The following CNTNAP2 variants were observed in gnomAD, a reference collection of about 807,000 sequenced individuals.
CNTNAP2 encodes contactin-associated protein-like 2.
In CNTNAP2, 98 loss-of-function variants were observed where a neutral mutation model predicts 155.2. The observed-to-expected ratio is 0.63, with a 90% CI of 0.54 to 0.75. The LOEUF (loss-of-function observed/expected upper bound fraction) is 0.75, where lower values mean the gene tolerates loss of function less well. CNTNAP2 is among the 30% of genes least tolerant of loss of function. The pLI is 0.00. For missense variants in CNTNAP2, 1,727 were observed against 1,688.1 expected, an observed-to-expected ratio of 1.02 and a Z score of -0.40; for synonymous variants, 651 against 631.2, an observed-to-expected ratio of 1.03 and a Z score of -0.47.
intron 13 of CNTNAP2, among the ~76,000 whole-genome samples, chr7:147,649,706 A>C (rs894714858): frequency 9.2e-5 from 14 of 152,166 alleles, no homozygotes; most frequent in Admixed American, 2.0e-4. Flanking sequence ...ATTTTAGTTT[A>C]TTATATTATA....
At chr7:148,287,017 G>A (rs141166439) in intron 21 of CNTNAP2, among the ~76,000 whole-genome samples, 45 of 152,284 alleles carry the variant, frequency 3.0e-4, no homozygotes, top group African/African-American at 1.1e-3. Context: ...CACCATTACA[G>A]TATCATAGAG....
At chr7:146,248,952 T>C (rs1799712148) in intron 1 of CNTNAP2, among the ~76,000 whole-genome samples, 1 of 151,958 alleles carries the variant, frequency 6.6e-6, no homozygotes, top group Admixed American at 6.6e-5. Flanking sequence ...TTTTACAGGA[T>C]TTGGGTAGGT....
At chr7:146,888,289 C>G (rs1477497511) in intron 3 of CNTNAP2, among the ~76,000 whole-genome samples, 6 of 151,968 alleles carry the variant, frequency 3.9e-5, no homozygotes, top group African/African-American at 1.4e-4. Flanking sequence ...GAAATTTTCT[C>G]AATTTTATAA....
intron 1 of CNTNAP2, among the ~76,000 whole-genome samples, chr7:146,391,688 G>A (rs530744673): frequency 7.2e-5 from 11 of 152,070 alleles, no homozygotes; most frequent in African/African-American, 1.9e-4. Context: ...TTCTGTTCCC[G>A]CATTAGTTTG....
At chr7:147,634,129 A>T (rs890320429) in intron 12 of CNTNAP2, among the ~76,000 whole-genome samples, 2 of 152,236 alleles carry the variant, frequency 1.3e-5, no homozygotes, top group African/African-American at 4.8e-5. Context: ...AAAAGAAGTC[A>T]TTATATGAAA....
intron 8 of CNTNAP2, among the ~76,000 whole-genome samples, chr7:147,156,381 A>G (rs1281846755): frequency 6.6e-6 from 1 of 152,188 alleles, no homozygotes; most frequent in Admixed American, 6.5e-5. Context: ...ACACAGAAAG[A>G]TATGCTTTGT....
intron 15 of CNTNAP2, among the ~76,000 whole-genome samples, chr7:148,009,733 TCAAA>T (rs1240936873): frequency 1.3e-5 from 2 of 149,920 alleles, no homozygotes; most frequent in African/African-American, 5.0e-5. Context: ...CTATTTACAT[TCAAA>T]CAATGTTTCT....
At chr7:148,290,769 TC>T (rs140012857) in intron 21 of CNTNAP2, among the ~76,000 whole-genome samples, 1 of 152,312 alleles carries the variant, frequency 6.6e-6, no homozygotes, top group East Asian at 1.9e-4. Context: ...CAGGCTCACC[TC>T]TTTACAAAGC....
At chr7:148,265,233 A>T (rs1397614953) in intron 20 of CNTNAP2, among the ~76,000 whole-genome samples, 1 of 152,136 alleles carries the variant, frequency 6.6e-6, no homozygotes, top group Non-Finnish European at 1.5e-5. Context: ...TATATATGAG[A>T]TTTTAAATAT....
chr7:146,156,310 T>C (rs551512304), intron 1 of CNTNAP2, among the ~76,000 whole-genome samples: 1 of 152,288 alleles, frequency 6.6e-6, no homozygotes, highest in African/African-American at 2.4e-5. Flanking sequence ...AGAATGATTG[T>C]TCATGTTTTA....
chr7:147,707,847 G>C (rs1796339252), intron 13 of CNTNAP2, among the ~76,000 whole-genome samples: 1 of 152,192 alleles, frequency 6.6e-6, no homozygotes, highest in Non-Finnish European at 1.5e-5. Flanking sequence ...ACCCAGTATG[G>C]TGATTGCATT....
At chr7:147,593,147 A>G (rs1349688956) in intron 12 of CNTNAP2, among the ~76,000 whole-genome samples, 1 of 152,096 alleles carries the variant, frequency 6.6e-6, no homozygotes, top group Non-Finnish European at 1.5e-5. Context: ...TGAAAAAGGA[A>G]CAGACATTAT....
intron 21 of CNTNAP2, among the ~76,000 whole-genome samples, chr7:148,305,357 C>G (rs559853710): frequency 2.2e-4 from 33 of 151,642 alleles, no homozygotes; most frequent in African/African-American, 7.7e-4. Flanking sequence ...CAAGCTCTCT[C>G]TCAATTTTAA....
chr7:146,312,977 G>A (rs900087620), intron 1 of CNTNAP2, among the ~76,000 whole-genome samples: 3 of 151,914 alleles, frequency 2.0e-5, no homozygotes, highest in Non-Finnish European at 4.4e-5. Flanking sequence ...TACTTATATT[G>A]CTTTCATATC....
intron 9 of CNTNAP2, among the ~76,000 whole-genome samples, chr7:147,373,215 A>C (rs937451315): frequency 2.0e-4 from 30 of 152,048 alleles, no homozygotes; most frequent in African/African-American, 6.3e-4. Flanking sequence ...AAAGGTAAAG[A>C]ATTTCCCGTT....
At chr7:147,518,918 A>G (rs1799180010) in intron 11 of CNTNAP2, among the ~76,000 whole-genome samples, 1 of 146,598 alleles carries the variant, frequency 6.8e-6, no homozygotes, top group South Asian at 2.3e-4. Context: ...GTAGTTCCAG[A>G]TACTCGGGAG....
chr7:146,871,650 C>T (rs1165995055), intron 3 of CNTNAP2, among the ~76,000 whole-genome samples: 3 of 152,018 alleles, frequency 2.0e-5, no homozygotes, highest in African/African-American at 4.8e-5. Context: ...CTATATTTAA[C>T]AATTATTGTA....
intron 21 of CNTNAP2, among the ~76,000 whole-genome samples, chr7:148,269,739 C>T (rs928146521): frequency 1.3e-5 from 2 of 152,298 alleles, no homozygotes; most frequent in African/African-American, 2.4e-5. Context: ...CAGTTAGCAA[C>T]AAAAAGTGGC....
intron 9 of CNTNAP2, among the ~76,000 whole-genome samples, chr7:147,350,904 A>G (rs943663270): frequency 2.6e-5 from 4 of 151,868 alleles, no homozygotes; most frequent in Admixed American, 6.6e-5. Context: ...ACCAATACCT[A>G]TAAGTCCTTT....
Sources: allele counts gnomAD v4.1 joint callset (sites outside exome capture counted in the v4.1 genomes callset), GRCh38; gene constraint gnomAD v4.1.1; transcripts MANE v1.5; gene names NCBI Gene and HGNC (gene_info 2026-07-23, HGNC 2026-07-21).